The following ABCC12 variants were observed in gnomAD, a reference collection of about 807,000 sequenced individuals.
ABCC12 encodes the protein ATP-binding cassette sub-family C member 12.
Under a neutral mutation model 151.1 loss-of-function variants are expected in ABCC12, and 142 were observed. The observed-to-expected ratio is 0.94, with a 90% CI of 0.82 to 1.08. The LOEUF (loss-of-function observed/expected upper bound fraction) is 1.08, where lower values mean the gene tolerates loss of function less well. Among genes scored for constraint, ABCC12 ranks in the 50% least tolerant of loss-of-function variants. The pLI is 0.00. For missense variants in ABCC12, 1,638 were observed against 1,691.1 expected (o/e 0.97, Z 0.55); for synonymous variants, 645 against 646.4 (o/e 1.00, Z 0.03).
Position 48,083,555 on chromosome 16 carries a change from T to A in ABCC12, c.*160A>T. ...GCCCACCAAGTGGGGTGACATGGAC[T>A]GAGTATGGCAGTGGGGACAACTTCA... On this transcript the variant is annotated 3_prime_UTR_variant, in exon 31 of 31. Transcript: ENST00000311303. 2.7e-6 allele frequency: 2 copies of A among 752,064 alleles called. No individual in the cohort carries two copies. The highest frequency in any genetic ancestry group is 4.4e-6 in the Non-Finnish European group (2 of 457,746). 46.6% of individuals were successfully genotyped at this position (752,064 alleles called of 1,614,324 possible).
At position 48,111,592 on chromosome 16, in the gene ABCC12, T is replaced by C. The variant is rs1254223138; in HGVS notation, c.2195A>G (p.Asp732Gly). The change falls in exon 17 of 31, where the codon GAT becomes GGT. Residue 732 changes from aspartate to glycine, a missense_variant. Asp to Gly is a moderately conservative substitution (Grantham distance 94). Coordinates refer to ENST00000311303, the MANE Select transcript of ABCC12 (RefSeq NM_001393797.1). Reference sequence around the variant, plus strand: ...GGGATTCTAACCGATTATACCAGCATCTTCCTCTCTCTCAGCAGGGCTCTC... The same window carrying C: ...GGGATTCTAACCGATTATACCAGCACCTTCCTCTCTCTCAGCAGGGCTCTC... ...FKESPAEREE[D>G]AGIIVLAPGN... 1 of 1,614,094 alleles carries C rather than the reference T, an allele frequency of 6.2e-7. No individual in the cohort carries two copies. The highest frequency in any genetic ancestry group is 1.3e-5 in the African/African-American group (1 of 74,924).
At chr16:48,111,322 C>G (rs2150617660) in intron 18 of ABCC12, 114 bp downstream of exon 18, 2 of 1,281,030 alleles carry the variant, frequency 1.6e-6, no homozygotes, top group East Asian at 4.6e-5. Flanking sequence ...CCTAGACCAT[C>G]CAATTCTGGC....
At chr16:48,131,794 C>T (rs945423855) in intron 9 of ABCC12, among the ~76,000 whole-genome samples, 1 of 152,210 alleles carries the variant, frequency 6.6e-6, no homozygotes, top group Non-Finnish European at 1.5e-5. Context: ...CAGGCTTCAA[C>T]TAATCCTAGT....
chr16:48,103,456 A>C (rs890302663), intron 22 of ABCC12, among the ~76,000 whole-genome samples: 2 of 152,190 alleles, frequency 1.3e-5, no homozygotes, highest in African/African-American at 4.8e-5. Flanking sequence ...GATCCTCACA[A>C]GCCCTCTGAA....
At chr16:48,090,434 G>A (rs1023288235) in intron 25 of ABCC12, among the ~76,000 whole-genome samples, 3 of 145,188 alleles carry the variant, frequency 2.1e-5, no homozygotes, top group African/African-American at 7.7e-5. Flanking sequence ...GGTAGAGACA[G>A]GGTCTCACTG....
At chr16:48,101,311 C>G (rs955496499) in intron 22 of ABCC12, among the ~76,000 whole-genome samples, 1 of 152,200 alleles carries the variant, frequency 6.6e-6, no homozygotes, top group Non-Finnish European at 1.5e-5. Context: ...CAAAATTTCT[C>G]ATACAGCACA....
At chr16:48,135,268 G>A (rs943883419) in intron 8 of ABCC12, among the ~76,000 whole-genome samples, 5 of 152,152 alleles carry the variant, frequency 3.3e-5, no homozygotes, top group Non-Finnish European at 7.3e-5. Context: ...CCTTTCTCCT[G>A]CGGCAAAACC....
chr16:48,085,581 G>A lies in ABCC12; in HGVS notation c.3828+12C>T, dbSNP rs750615271. 1.9e-5 allele frequency: 30 copies of A among 1,611,142 alleles called. No homozygotes were observed. Among genetic ancestry groups the A allele is most frequent in the South Asian group, 9.9e-5 (9 of 90,990 alleles). ...CCAAAATTTGACCAATCCATTTTCC[G>A]TGTTTTCTTACCTTTGAATTACGGA... On this transcript the variant is annotated intron_variant, in intron 29 of 30. Coordinates refer to ENST00000311303, the MANE Select transcript of ABCC12 (RefSeq NM_001393797.1).
chr16:48,099,044 G>A (rs961391989), intron 23 of ABCC12, among the ~76,000 whole-genome samples: 10 of 152,208 alleles, frequency 6.6e-5, no homozygotes, highest in Non-Finnish European at 1.5e-4. Flanking sequence ...TAAAGACAAG[G>A]TGTGATGTCA....
chr16:48,118,937 G>A (rs117597075), intron 13 of ABCC12, among the ~76,000 whole-genome samples: 11 of 152,366 alleles, frequency 7.2e-5, no homozygotes, highest in Non-Finnish European at 1.3e-4. Context: ...AACATGTGAA[G>A]CCATTAGCAC....
In ABCC12 at chr16:48,146,351, T is replaced by C. The variant is rs1295334004; in HGVS notation, c.74A>G (p.Tyr25Cys). 3.1e-6 allele frequency: 5 copies of C among 1,614,064 alleles called. No homozygotes were observed. Among genetic ancestry groups the C allele is most frequent in the Non-Finnish European group, 4.2e-6 (5 of 1,180,040 alleles). The change falls in exon 3 of 31, where the codon TAT becomes TGT. Residue 25 changes from tyrosine to cysteine, a missense_variant. Transcript: ENST00000311303. ...GATCATGGTCTTCAGGCTGGGGTCA[T>C]ATCTTTCTGCAAAGGATCTCCGCCG... Reference protein sequence around the residue: ...RGRRRSFAERYDPSLKTMIPV... With the variant: ...RGRRRSFAERCDPSLKTMIPV...
chr16:48,146,404 G>T lies in ABCC12; in HGVS notation c.21C>A (p.Tyr7Ter). 6.2e-7 allele frequency: 1 copy of T among 1,614,192 alleles called. No individual in the cohort carries two copies. The highest frequency in any genetic ancestry group is 8.5e-7 in the Non-Finnish European group (1 of 1,180,040). Reference sequence around the variant, plus strand: ...CTCGCTGGTCCAGATCTGAGATAAGGTAGGGTCCTTCACCCACCATCCTGA... The same window carrying T: ...CTCGCTGGTCCAGATCTGAGATAAGTTAGGGTCCTTCACCCACCATCCTGA... MVGEGP[Y>*]LISDLDQRGR... Residue 7 changes from tyrosine (Y) to a stop codon, truncating the protein, a stop_gained, in exon 3 of 31, where the codon TAC becomes TAA. Transcript: ENST00000311303. LOFTEE classifies it high-confidence loss of function.
At chr16:48,141,081 GC>G in intron 5 of ABCC12, 124 bp downstream of exon 5, 1 of 1,428,086 alleles carries the variant, frequency 7.0e-7, no homozygotes, top group Non-Finnish European at 9.4e-7. Context: ...ATGAAAATTC[GC>G]CCCCAAGGAG....
chr16:48,135,283 C>A (rs140803979), intron 8 of ABCC12, among the ~76,000 whole-genome samples: 3 of 152,164 alleles, frequency 2.0e-5, no homozygotes, highest in African/African-American at 7.2e-5. Flanking sequence ...AAAACCTCAG[C>A]GTGGATATTT....
chr16:48,130,357 T>C (rs1964378150), intron 10 of ABCC12, among the ~76,000 whole-genome samples: 2 of 152,224 alleles, frequency 1.3e-5, no homozygotes, highest in South Asian at 4.1e-4. Flanking sequence ...AAATCTTTGA[T>C]GAGTGAATAA....
chr16:48,134,226 G>GC (rs1964531201), intron 8 of ABCC12, among the ~76,000 whole-genome samples: 1 of 152,244 alleles, frequency 6.6e-6, no homozygotes, highest in Admixed American at 6.5e-5. Context: ...TCTTCTCAGT[G>GC]CAGGGGAGGC....
At chr16:48,131,141 T>C (rs1964413272) in intron 9 of ABCC12, among the ~76,000 whole-genome samples, 2 of 152,242 alleles carry the variant, frequency 1.3e-5, no homozygotes, top group African/African-American at 4.8e-5. Flanking sequence ...CCCTTGTCTC[T>C]GTTGATACAG....
intron 2 of ABCC12, 58 bp from the exon 3 acceptor site, chr16:48,146,532 G>A (rs1045419975): frequency 4.6e-6 from 4 of 874,252 alleles, no homozygotes; most frequent in South Asian, 1.5e-5. Flanking sequence ...TTGGGATCAG[G>A]CAGCCTCTAC....
intron 24 of ABCC12, 65 bp from the exon 25 acceptor site, chr16:48,091,274 G>A (rs1962882372): frequency 1.4e-6 from 2 of 1,425,056 alleles, no homozygotes. Flanking sequence ...GCAGCTCCCC[G>A]TTCAGGAGGC....
Sources: allele counts gnomAD v4.1 joint callset (sites outside exome capture counted in the v4.1 genomes callset), GRCh38; gene constraint gnomAD v4.1.1; transcripts MANE v1.5; gene names NCBI Gene and HGNC (gene_info 2026-07-23, HGNC 2026-07-21).